The following MASTL variants were observed in gnomAD, a reference collection of about 807,000 sequenced individuals.
MASTL encodes the protein serine/threonine-protein kinase greatwall.
Under a neutral mutation model 82.5 loss-of-function variants are expected in MASTL, and 54 were observed. That is an observed-to-expected ratio of 0.65 (90% CI 0.53 to 0.82). The LOEUF (loss-of-function observed/expected upper bound fraction) is 0.82. Ranked by LOEUF, MASTL falls within the 40% of genes least tolerant of loss-of-function variation. The probability of loss-of-function intolerance (pLI) is 0.00; values close to 1 mark genes in which losing one functional copy is unlikely to be tolerated. For missense variants in MASTL, 950 were observed against 1,047.8 expected (o/e 0.91, Z 1.29); for synonymous variants, 323 against 368.9 (o/e 0.88, Z 1.43).
At chr10:27,171,825 C>CTTTT (rs112511530) in intron 8 of MASTL, among the ~76,000 whole-genome samples, 4,658 of 93,400 alleles carry the variant, frequency 0.05, 646 homozygotes, top group African/African-American at 0.16. Context: ...AAATATGTTT[C>CTTTT]TTTTTTTTTT....
At position 27,165,485 on chromosome 10, in the gene MASTL, A is replaced by G; in HGVS notation, c.757A>G (p.Met253Val). The change falls in exon 6 of 12, where the codon ATG (methionine) becomes GTG (valine). Residue 253 changes from methionine to valine, a missense_variant. Coordinates refer to ENST00000375940, the MANE Select transcript of MASTL (RefSeq NM_001172303.3). ...GCTTTCTCAAGGACTCGTATGCCCT[A>G]TGTCTGTAGATCAAAAGGACACTAC... ...SQLSQGLVCP[M>V]SVDQKDTTPY... The G allele has an allele frequency of 1.9e-6, 3 of 1,614,120 alleles. No individual in the cohort carries two copies. The highest frequency in any genetic ancestry group is 1.7e-6 in the Non-Finnish European group (2 of 1,179,972).
Position 27,186,727 on chromosome 10 carries a change from C to T in MASTL, c.*191C>T, listed in dbSNP as rs1305352510. ...AATATAGTCAGTAATTTATCTTAAC[C>T]TCAAAACTGTATATAAATCTTCAAA... On this transcript the variant is annotated 3_prime_UTR_variant, in exon 12 of 12. Transcript: ENST00000375940. 3.3e-6 allele frequency: 2 copies of T among 599,314 alleles called. No individual in the cohort carries two copies. The highest frequency in any genetic ancestry group is 1.9e-5 in the African/African-American group (1 of 53,770). 37.1% of individuals were successfully genotyped at this position (599,314 alleles called of 1,614,324 possible).
intron 8 of MASTL, among the ~76,000 whole-genome samples, chr10:27,171,825 CTTTT>C (rs112511530): frequency 5.3e-5 from 5 of 93,560 alleles, no homozygotes; most frequent in African/African-American, 1.3e-4. Context: ...AAATATGTTT[CTTTT>C]TTTTTTTTTT....
chr10:27,181,669 G>GAGCCACCACGCCCA, intron 11 of MASTL, 88 bp downstream of exon 11: 2 of 953,722 alleles, frequency 2.1e-6, no homozygotes, highest in East Asian at 3.0e-5. Flanking sequence ...GGCTGGGCGT[G>GAGCCACCACGCCCA]GTGGCTCACG....
At position 27,181,066 on chromosome 10, in the gene MASTL, G is replaced by A; in HGVS notation, c.2380G>A (p.Asp794Asn). 1 of 1,559,592 alleles carries A rather than the reference G, an allele frequency of 6.4e-7. No homozygotes were observed. Among genetic ancestry groups the A allele is most frequent in the Non-Finnish European group, 8.8e-7 (1 of 1,130,414 alleles). Residue 794 changes from aspartate (D) to asparagine (N), a missense_variant and splice_region_variant, in exon 10 of 12, where the codon GAT becomes AAT. Asp to Asn is a conservative substitution (Grantham distance 23). Transcript: ENST00000375940. ...QQVFQNILKR[D>N]IPWPEGEEKL... ...AGTATTCCAGAATATTCTGAAAAGA[G>A]GTGATTCTTTTTCTCCTATTAAGAT...
intron 9 of MASTL, among the ~76,000 whole-genome samples, chr10:27,179,079 T>C (rs1291326866): frequency 6.6e-6 from 1 of 152,194 alleles, no homozygotes. Context: ...TTTTGTGAAG[T>C]TGTCTTTAAA....
chr10:27,180,892 C>A, intron 9 of MASTL, 61 bp from the exon 10 acceptor site: 1 of 1,088,640 alleles, frequency 9.2e-7, no homozygotes, highest in Non-Finnish European at 1.4e-6. Flanking sequence ...ATTAATATTT[C>A]TGTTCATCAA....
Position 27,173,244 on chromosome 10 carries a change from C to A in MASTL, c.2251C>A (p.Leu751Ile). 1 of 1,614,148 alleles carries A rather than the reference C, an allele frequency of 6.2e-7. No homozygotes were observed. The highest frequency in any genetic ancestry group is 1.1e-5 in the South Asian group (1 of 91,084). The stretch of plus-strand genomic sequence containing the variant: ...AGACTACCTTGCACCTGAGCTGTTA[C>A]TAGGCAGGGCCCATGGTAAGGCATG... ...TPDYLAPELL[L>I]GRAHGPAVDW... The change falls in exon 9 of 12, where the codon CTA becomes ATA. Residue 751 changes from leucine (L) to isoleucine (I), a missense_variant. Leu to Ile is a conservative substitution (Grantham distance 5, BLOSUM62 2). Coordinates refer to ENST00000375940, the MANE Select transcript of MASTL (RefSeq NM_001172303.3).
intron 4 of MASTL, among the ~76,000 whole-genome samples, chr10:27,161,545 A>C (rs1005548428): frequency 8.8e-5 from 7 of 79,682 alleles, no homozygotes; most frequent in African/African-American, 3.0e-4. Flanking sequence ...AAATATAAAA[A>C]ATTAAAAAAA....
intron 10 of MASTL, 116 bp from the exon 11 acceptor site, chr10:27,181,364 C>T: frequency 1.3e-6 from 1 of 783,236 alleles, no homozygotes; most frequent in East Asian, 2.7e-5. Context: ...GCACTCCAGC[C>T]TGGGTGACAA....
At chr10:27,180,536 C>T (rs1345939035) in intron 9 of MASTL, among the ~76,000 whole-genome samples, 1 of 152,198 alleles carries the variant, frequency 6.6e-6, no homozygotes, top group African/African-American at 2.4e-5. Context: ...GGATTATAGG[C>T]ATGTGCCACC....
chr10:27,154,558 T>C (rs1339309513), upstream of MASTL: 21 of 399,806 alleles, frequency 5.3e-5, no homozygotes, highest in Non-Finnish European at 4.4e-6. Context: ...TTACCCTCTT[T>C]GGACTTTTTC....
At chr10:27,171,657 T>A (rs2057943058) in intron 8 of MASTL, among the ~76,000 whole-genome samples, 1 of 151,478 alleles carries the variant, frequency 6.6e-6, no homozygotes. Context: ...GATCTCAAAC[T>A]CGTGACCTCA....
rs1360680615 is a variant in MASTL at position 27,167,182 on chromosome 10, G to A, written c.892G>A (p.Ala298Thr). 6.2e-7 allele frequency: 1 copy of A among 1,614,060 alleles called. No individual in the cohort carries two copies. The highest frequency in any genetic ancestry group is 1.7e-5 in the Admixed American group (1 of 60,018). The change falls in exon 7 of 12, where the codon GCC becomes ACC. Residue 298 changes from alanine (A) to threonine (T), a missense_variant. By Grantham distance (58) the Ala-to-Thr change is moderately conservative (BLOSUM62 0). Transcript: ENST00000375940. Reference sequence around the variant, plus strand: ...TTTACTCCAGTCTAGGAAAAGGCTGGCCACATCCAGTGCCAGTAGTCAATC... The same window carrying A: ...TTTACTCCAGTCTAGGAAAAGGCTGACCACATCCAGTGCCAGTAGTCAATC... ...SNLLQSRKRL[A>T]TSSASSQSHT...
chr10:27,179,351 G>A (rs568368875), intron 9 of MASTL, among the ~76,000 whole-genome samples: 4 of 152,196 alleles, frequency 2.6e-5, no homozygotes, highest in East Asian at 1.9e-4. Context: ...TCAGGAGATC[G>A]AGACCATCCT....
rs2058855858 is a variant in MASTL at position 27,187,756 on chromosome 10, A to G, written c.*1220A>G. Among the ~76,000 whole-genome samples, 1 of 152,006 alleles carries G rather than the reference A, an allele frequency of 6.6e-6. No homozygotes were observed. The highest frequency in any genetic ancestry group is 1.5e-5 in the Non-Finnish European group (1 of 67,974). The stretch of plus-strand genomic sequence containing the variant: ...AACAGAATGAGACTCAGTCTCAAAA[A>G]AAAAAAAAATACTACTGGAACAATT... On this transcript the variant is annotated 3_prime_UTR_variant, in exon 12 of 12. Transcript: ENST00000375940.
At position 27,170,309 on chromosome 10, in the gene MASTL, T is replaced by G; in HGVS notation, c.1350T>G (p.Val450=). Residue 450 remains valine, a synonymous_variant, in exon 8 of 12, where the codon GTT becomes GTG. Coordinates refer to ENST00000375940, the MANE Select transcript of MASTL (RefSeq NM_001172303.3). ...GTTTAAAAAGAAATTTTGAGTTGGTTGACTCCAGTCCTTGTAAAAAAATTA... is the reference window on the plus strand; with the variant it reads ...GTTTAAAAAGAAATTTTGAGTTGGTGGACTCCAGTCCTTGTAAAAAAATTA... The part of the protein sequence containing the change: ...KRSLKRNFEL[V]DSSPCKKIIQ... The G allele has an allele frequency of 6.2e-7, 1 of 1,613,898 alleles. No individual in the cohort carries two copies. Among genetic ancestry groups the G allele is most frequent in the Non-Finnish European group, 8.5e-7 (1 of 1,179,832 alleles).
intron 9 of MASTL, among the ~76,000 whole-genome samples, chr10:27,176,990 A>T (rs1008084781): frequency 6.6e-6 from 1 of 151,680 alleles, no homozygotes; most frequent in Non-Finnish European, 1.5e-5. Context: ...GTTTACAGGC[A>T]CCTGCCCCCA....
chr10:27,186,421 A>C lies in MASTL; in HGVS notation c.2525A>C (p.Asn842Thr). Residue 842 changes from asparagine to threonine, a missense_variant, in exon 12 of 12, where the codon AAT (asparagine) becomes ACT (threonine). Coordinates refer to ENST00000375940, the MANE Select transcript of MASTL (RefSeq NM_001172303.3). Reference sequence around the variant, plus strand: ...CTCTTCAGTGATGTGGACTGGGAAAATCTGCAGCATCAGACTATGCCTTTC... The same window carrying C: ...CTCTTCAGTGATGTGGACTGGGAAACTCTGCAGCATCAGACTATGCCTTTC... ...HPLFSDVDWE[N>T]LQHQTMPFIP... is the part of the protein sequence containing the mutation. 1 of 1,614,156 alleles carries C rather than the reference A, an allele frequency of 6.2e-7. No homozygotes were observed. Among genetic ancestry groups the C allele is most frequent in the Non-Finnish European group, 8.5e-7 (1 of 1,180,016 alleles).
Sources: gnomAD v4.1 joint callset for allele counts (sites outside exome capture counted in the v4.1 genomes callset) on GRCh38, gnomAD v4.1.1 for gene constraint, MANE v1.5 for transcripts, NCBI Gene and HGNC (gene_info 2026-07-23, HGNC 2026-07-21) for gene names.